Variants in CAAP1 observed in about 807,000 individuals in gnomAD.
CAAP1 encodes caspase activity and apoptosis inhibitor 1.
CAAP1 carries 20 observed loss-of-function variants against 34.0 expected under a neutral mutation model. That is an observed-to-expected ratio of 0.59 (90% CI 0.41 to 0.86). The LOEUF (loss-of-function observed/expected upper bound fraction) is 0.86. Among genes scored for constraint, CAAP1 ranks in the 40% least tolerant of loss-of-function variants. CAAP1 has a pLI of 0.00. For missense variants in CAAP1, 538 were observed against 450.5 expected (o/e 1.19, Z -1.76); for synonymous variants, 213 against 166.7 (o/e 1.28, Z -2.14).
At chr9:26,877,060 G>A (rs575180514) in intron 4 of CAAP1, among the ~76,000 whole-genome samples, 9 of 152,144 alleles carry the variant, frequency 5.9e-5, no homozygotes, top group African/African-American at 1.4e-4. Flanking sequence ...AAGCTGAGGC[G>A]GATCACTTGA....
At chr9:26,850,637 T>G (rs1758538327) in intron 5 of CAAP1, among the ~76,000 whole-genome samples, 1 of 152,254 alleles carries the variant, frequency 6.6e-6, no homozygotes, top group African/African-American at 2.4e-5. Context: ...TAATTTGCCA[T>G]GTTCTATTGT....
intron 5 of CAAP1, among the ~76,000 whole-genome samples, chr9:26,846,326 G>C (rs528649044): frequency 1.6e-4 from 23 of 142,564 alleles, no homozygotes; most frequent in African/African-American, 5.7e-4. Context: ...CTGAGGCAGA[G>C]AACTGCTTGA....
At chr9:26,878,535 T>A (rs1240210812) in intron 4 of CAAP1, among the ~76,000 whole-genome samples, 1 of 152,216 alleles carries the variant, frequency 6.6e-6, no homozygotes, top group Non-Finnish European at 1.5e-5. Context: ...CATTCAATTC[T>A]ATCTTCAACT....
intron 4 of CAAP1, among the ~76,000 whole-genome samples, chr9:26,878,973 C>T (rs973762389): frequency 2.0e-5 from 3 of 152,146 alleles, no homozygotes; most frequent in Non-Finnish European, 2.9e-5. Flanking sequence ...TTTGGAGAAA[C>T]AGATACACTA....
intron 4 of CAAP1, among the ~76,000 whole-genome samples, chr9:26,874,200 C>G (rs1341750752): frequency 1.0e-5 from 1 of 99,336 alleles, no homozygotes; most frequent in East Asian, 3.0e-4. Context: ...AAGTGAGACT[C>G]TGTCTCAAAA....
intron 5 of CAAP1, among the ~76,000 whole-genome samples, chr9:26,846,415 CAAAAAAAAAAAAAA>C (rs761402354): frequency 1.6e-5 from 1 of 61,746 alleles, no homozygotes; most frequent in Non-Finnish European, 3.3e-5. Context: ...GACTCTGTCT[CAAAAAAAAAAAAAA>C]AAAAAAAAAA....
At chr9:26,855,322 G>C (rs73643109) in intron 5 of CAAP1, among the ~76,000 whole-genome samples, 5 of 152,244 alleles carry the variant, frequency 3.3e-5, no homozygotes, top group South Asian at 2.1e-4. Context: ...TCAGGAGTTG[G>C]GGGGGAGAGA....
intron 5 of CAAP1, among the ~76,000 whole-genome samples, chr9:26,858,873 C>G (rs1822938877): frequency 6.7e-6 from 1 of 150,234 alleles, no homozygotes; most frequent in South Asian, 2.1e-4. Flanking sequence ...TGGCAGGTGC[C>G]TGTAGTCCCA....
intron 4 of CAAP1, among the ~76,000 whole-genome samples, chr9:26,867,099 A>C (rs568348612): frequency 1.3e-5 from 2 of 152,280 alleles, no homozygotes; most frequent in East Asian, 3.9e-4. Flanking sequence ...CCTTATGAGA[A>C]TCTAATGCCT....
chr9:26,892,246 G>C, intron 1 of CAAP1, 167 bp downstream of exon 1: 1 of 1,499,098 alleles, frequency 6.7e-7, no homozygotes, highest in South Asian at 1.3e-5. Flanking sequence ...ACGGATGGGA[G>C]TGTGGGGCTC....
chr9:26,876,372 G>T (rs1179403011), intron 4 of CAAP1, among the ~76,000 whole-genome samples: 9 of 151,020 alleles, frequency 6.0e-5, no homozygotes, highest in African/African-American at 2.2e-4. Flanking sequence ...AGTCTCTTTT[G>T]TCTTTTGAAA....
intron 5 of CAAP1, among the ~76,000 whole-genome samples, chr9:26,847,180 T>C (rs1039243410): frequency 4.8e-5 from 7 of 145,138 alleles, no homozygotes; most frequent in Non-Finnish European, 9.1e-5. Context: ...TCGTTTTTAC[T>C]AGTAAGTAAA....
chr9:26,869,904 G>C (rs1823233244), intron 4 of CAAP1: 1 of 964,652 alleles, frequency 1.0e-6, no homozygotes, highest in African/African-American at 1.8e-5. Flanking sequence ...GATAGAGAAA[G>C]AGTAGAAAAA....
chr9:26,862,948 GA>G (rs1823037835), intron 4 of CAAP1, among the ~76,000 whole-genome samples: 1 of 151,916 alleles, frequency 6.6e-6, no homozygotes, highest in Non-Finnish European at 1.5e-5. Flanking sequence ...ATGTAAGAAG[GA>G]AGTATGCAAA....
chr9:26,878,633 G>A (rs969493133), intron 4 of CAAP1, among the ~76,000 whole-genome samples: 3 of 152,042 alleles, frequency 2.0e-5, no homozygotes, highest in Admixed American at 2.0e-4. Context: ...CTTCCACACA[G>A]TTCTCAGACC....
At chr9:26,851,099 A>G (rs1822740168) in intron 5 of CAAP1, among the ~76,000 whole-genome samples, 1 of 152,240 alleles carries the variant, frequency 6.6e-6, no homozygotes, top group Non-Finnish European at 1.5e-5. Context: ...CAAAGGCCTT[A>G]GAAGTAGGTG....
intron 1 of CAAP1, among the ~76,000 whole-genome samples, chr9:26,888,666 T>C (rs573334499): frequency 6.6e-6 from 1 of 152,226 alleles, no homozygotes; most frequent in Non-Finnish European, 1.5e-5. Context: ...AGCAGGAATA[T>C]AAAATTGTGC....
intron 5 of CAAP1, among the ~76,000 whole-genome samples, chr9:26,857,423 G>A (rs1822896925): frequency 6.6e-6 from 1 of 152,198 alleles, no homozygotes. Flanking sequence ...CCTGAGGTAG[G>A]GAGTTCGGGA....
intron 1 of CAAP1, among the ~76,000 whole-genome samples, chr9:26,889,184 A>C (rs1328229744): frequency 6.6e-6 from 1 of 152,234 alleles, no homozygotes; most frequent in East Asian, 1.9e-4. Flanking sequence ...TGGGAGGCTG[A>C]GGCGAACGGA....
Sources: gnomAD v4.1 joint callset for allele counts (sites outside exome capture counted in the v4.1 genomes callset) on GRCh38, gnomAD v4.1.1 for gene constraint, MANE v1.5 for transcripts, NCBI Gene and HGNC (gene_info 2026-07-23, HGNC 2026-07-21) for gene names.